Variants in VGLL3 observed in about 807,000 individuals in gnomAD.
VGLL3 encodes the protein vestigial like family member 3.
Under a neutral mutation model 29.2 loss-of-function variants are expected in VGLL3, and 18 were observed. The observed-to-expected ratio is 0.62, with a 90% confidence interval of 0.43 to 0.91. The LOEUF (loss-of-function observed/expected upper bound fraction) is 0.91. Among genes scored for constraint, VGLL3 ranks in the 40% least tolerant of loss-of-function variants. The pLI is 0.00. For synonymous variants in VGLL3, 180 were observed against 151.8 expected (o/e 1.19, Z -1.36); for missense variants, 440 against 413.2 (o/e 1.06, Z -0.56).
chr3:86,955,368 C>T (rs1336288684), intron 3 of VGLL3, among the ~76,000 whole-genome samples: 1 of 149,610 alleles, frequency 6.7e-6, no homozygotes, highest in East Asian at 1.9e-4. Flanking sequence ...CTTTTCATCT[C>T]TCTCTCTCTC....
intron 2 of VGLL3, among the ~76,000 whole-genome samples, chr3:86,972,117 C>T (rs1705114317): frequency 6.6e-6 from 1 of 152,102 alleles, no homozygotes; most frequent in Admixed American, 6.6e-5. Flanking sequence ...GATGCTTATG[C>T]AGTTTGAATA....
chr3:86,970,629 G>T (rs936088368), intron 2 of VGLL3, among the ~76,000 whole-genome samples: 3 of 151,900 alleles, frequency 2.0e-5, no homozygotes, highest in African/African-American at 7.3e-5. Flanking sequence ...TAGACTTGCT[G>T]GCCATGGTAC....
At chr3:86,954,314 A>T (rs1704674055) in intron 3 of VGLL3, among the ~76,000 whole-genome samples, 1 of 152,164 alleles carries the variant, frequency 6.6e-6, no homozygotes, top group Non-Finnish European at 1.5e-5. Context: ...CAGGTGAGAA[A>T]AGTTCAGCCA....
intron 3 of VGLL3, among the ~76,000 whole-genome samples, chr3:86,961,475 A>T (rs1704841750): frequency 6.6e-6 from 1 of 152,188 alleles, no homozygotes; most frequent in Non-Finnish European, 1.5e-5. Flanking sequence ...CTAAAAGAGG[A>T]CTACTATGTC....
rs1455192137 is a variant in VGLL3 at position 86,968,824 on chromosome 3, G to T, written c.703C>A (p.His235Asn). 6.2e-7 allele frequency: 1 copy of T among 1,613,998 alleles called. No homozygotes were observed. Among genetic ancestry groups the T allele is most frequent in the Non-Finnish European group, 8.5e-7 (1 of 1,180,028 alleles). The part of the protein sequence containing the change: ...VYMRHHHPHA[H>N]MHHRHRHHHH... The stretch of plus-strand genomic sequence containing the variant: ...TGGTGGCGGTGGCGGTGGTGCATGT[G>T]GGCATGAGGGTGGTGGTGCCGCATG... Residue 235 changes from histidine to asparagine, a missense_variant, in exon 3 of 4, where the codon CAC (histidine) becomes AAC (asparagine). Transcript: ENST00000398399.
intron 2 of VGLL3, among the ~76,000 whole-genome samples, chr3:86,970,056 T>C (rs995381516): frequency 3.9e-5 from 6 of 152,070 alleles, no homozygotes; most frequent in Non-Finnish European, 7.3e-5. Flanking sequence ...CCTATGGAAA[T>C]GATGAGTGGA....
At chr3:86,980,481 A>G (rs1705301486) in intron 1 of VGLL3, among the ~76,000 whole-genome samples, 1 of 152,090 alleles carries the variant, frequency 6.6e-6, no homozygotes, top group African/African-American at 2.4e-5. Flanking sequence ...TGATTTGTTG[A>G]TGAATAGATA....
intron 3 of VGLL3, among the ~76,000 whole-genome samples, chr3:86,958,911 C>A (rs185648859): frequency 3.9e-5 from 6 of 152,168 alleles, no homozygotes; most frequent in Admixed American, 1.3e-4. Flanking sequence ...AGGCTTATGA[C>A]ATATGCCAGA....
chr3:86,987,773 G>C (rs1180269574), intron 1 of VGLL3, among the ~76,000 whole-genome samples: 3 of 151,972 alleles, frequency 2.0e-5, no homozygotes, highest in Non-Finnish European at 2.9e-5. Flanking sequence ...TTAGCCCACT[G>C]TATACCTAAG....
chr3:86,954,555 C>G (rs1704679303), intron 3 of VGLL3, among the ~76,000 whole-genome samples: 1 of 152,158 alleles, frequency 6.6e-6, no homozygotes, highest in Non-Finnish European at 1.5e-5. Context: ...AGTTACAAAT[C>G]TGAACCAGTT....
At chr3:86,953,923 G>A (rs1465159956) in intron 3 of VGLL3, among the ~76,000 whole-genome samples, 4 of 152,096 alleles carry the variant, frequency 2.6e-5, no homozygotes, top group Admixed American at 2.6e-4. Context: ...CACAAATAAG[G>A]TGTATTTTCT....
intron 3 of VGLL3, chr3:86,962,916 A>G (rs947352685): frequency 5.8e-6 from 1 of 171,392 alleles, no homozygotes; most frequent in Non-Finnish European, 1.3e-5. Context: ...ACTATTCAAA[A>G]TAGTGACTAT....
chr3:86,949,926 A>T (rs1704584109), intron 3 of VGLL3, among the ~76,000 whole-genome samples: 1 of 152,190 alleles, frequency 6.6e-6, no homozygotes, highest in African/African-American at 2.4e-5. Flanking sequence ...AAAAATTAAG[A>T]GTCAACAAGT....
At chr3:86,960,507 A>G (rs1244575527) in intron 3 of VGLL3, among the ~76,000 whole-genome samples, 1 of 152,174 alleles carries the variant, frequency 6.6e-6, no homozygotes, top group African/African-American at 2.4e-5. Context: ...ATTAGAGAGT[A>G]AAGTTTATTG....
At chr3:86,970,616 G>A (rs979959501) in intron 2 of VGLL3, among the ~76,000 whole-genome samples, 1 of 152,060 alleles carries the variant, frequency 6.6e-6, no homozygotes, top group African/African-American at 2.4e-5. Flanking sequence ...ACCAAGATGG[G>A]TGTAGACTTG....
At chr3:86,962,620 A>C (rs749948611) in intron 3 of VGLL3, 444 of 929,324 alleles carry the variant, frequency 4.8e-4, no homozygotes, top group Non-Finnish European at 5.6e-4. Context: ...AAAAAAATTC[A>C]AAAAATATAG....
At chr3:86,948,748 A>G (rs1704555016) in intron 3 of VGLL3, among the ~76,000 whole-genome samples, 1 of 152,176 alleles carries the variant, frequency 6.6e-6, no homozygotes, top group Non-Finnish European at 1.5e-5. Context: ...TGCTTGATAA[A>G]GAAGCAATAG....
chr3:86,976,585 C>T lies in VGLL3; in HGVS notation c.403+1941G>A, dbSNP rs561121358. ...TTAGTAGTAGTTATGAAAACATTGCCTTTATTAACCCTTTCTATGCTACAG... is the reference window on the plus strand; with the variant it reads ...TTAGTAGTAGTTATGAAAACATTGCTTTTATTAACCCTTTCTATGCTACAG... On this transcript the variant is annotated intron_variant, in intron 2 of 3. Coordinates refer to ENST00000398399, the MANE Select transcript of VGLL3 (RefSeq NM_016206.4). 7.2e-5 allele frequency among the ~76,000 whole-genome samples: 11 copies of T among 152,196 alleles called. No individual in the cohort carries two copies. The East Asian group carries it at 1.5e-3, about 21-fold the overall frequency.
chr3:86,960,947 A>G (rs1387011716), intron 3 of VGLL3, among the ~76,000 whole-genome samples: 5 of 147,910 alleles, frequency 3.4e-5, no homozygotes, highest in Non-Finnish European at 6.0e-5. Context: ...ATATATATAT[A>G]TATATATATA....
Sources: allele counts gnomAD v4.1 joint callset (sites outside exome capture counted in the v4.1 genomes callset), GRCh38; gene constraint gnomAD v4.1.1; transcripts MANE v1.5; gene names NCBI Gene and HGNC (gene_info 2026-07-23, HGNC 2026-07-21).